Variants in AGAP1 observed in about 807,000 individuals in gnomAD.
AGAP1 encodes the protein ArfGAP with GTPase domain, ankyrin repeat and PH domain 1, also known as arf-GAP with GTPase, ANK repeat and PH domain-containing protein 1.
Under a neutral mutation model 105.3 loss-of-function variants are expected in AGAP1, and 29 were observed. That is an observed-to-expected ratio of 0.28 (90% confidence interval 0.21 to 0.38). The LOEUF is 0.38. Among genes scored for constraint, AGAP1 ranks in the 10% least tolerant of loss-of-function variants. The probability of loss-of-function intolerance (pLI) is 1.00; values close to 1 mark genes in which losing one functional copy is unlikely to be tolerated. For synonymous variants in AGAP1, 509 were observed against 485.9 expected (o/e 1.05, Z -0.63); for missense variants, 998 against 1,165.1 (o/e 0.86, Z 2.09).
intron 6 of AGAP1, among the ~76,000 whole-genome samples, chr2:235,756,161 G>A (rs1250333057): frequency 6.6e-6 from 1 of 152,178 alleles, no homozygotes; most frequent in African/African-American, 2.4e-5. Flanking sequence ...ATTTTAGCCT[G>A]TCTTCAAATG....
Position 235,967,159 on chromosome 2 carries a change from G to A in AGAP1, c.1484-1303G>A, listed in dbSNP as rs893628692. 9.2e-5 allele frequency among the ~76,000 whole-genome samples: 14 copies of A among 151,858 alleles called. No individual in the cohort carries two copies. Among genetic ancestry groups the A allele is most frequent in the Non-Finnish European group, 1.5e-4 (10 of 67,940 alleles). On this transcript the variant is annotated intron_variant, in intron 12 of 17. Coordinates refer to ENST00000304032, the MANE Select transcript of AGAP1 (RefSeq NM_001037131.3). This position sits in a 1 kb window ranked among gnomAD's most constrained non-coding sequence, Gnocchi z 4.7. ...CCACCCACACCGGCCACCGCCACTCGGGCCCCCTCTCCGTTTCTGGAACAC... is the reference window on the plus strand; with the variant it reads ...CCACCCACACCGGCCACCGCCACTCAGGCCCCCTCTCCGTTTCTGGAACAC...
intron 1 of AGAP1, among the ~76,000 whole-genome samples, chr2:235,636,580 G>T (rs1337634134): frequency 6.6e-6 from 1 of 152,044 alleles, no homozygotes; most frequent in Non-Finnish European, 1.5e-5. Context: ...CACTCCCCTA[G>T]GCATCCCTCA....
intron 1 of AGAP1, among the ~76,000 whole-genome samples, chr2:235,503,985 G>A (rs139511587): frequency 0.013 from 1,925 of 152,280 alleles, 30 homozygotes; most frequent in African/African-American, 0.044. Flanking sequence ...TTCCTGAAGC[G>A]ATCCTCCTGC....
chr2:236,093,673 G>T (rs1032568411), intron 16 of AGAP1, among the ~76,000 whole-genome samples: 5 of 152,098 alleles, frequency 3.3e-5, no homozygotes, highest in Non-Finnish European at 7.4e-5. Flanking sequence ...CGTATTTTTG[G>T]ATAATTTGGT....
At chr2:235,759,363 C>G (rs2317001) in intron 6 of AGAP1, among the ~76,000 whole-genome samples, 76,547 of 150,816 alleles carry the variant, frequency 0.51, 22,147 homozygotes, top group African/African-American at 0.81. Flanking sequence ...TAGAGACGGG[C>G]TTTCACCGTG....
chr2:235,973,278 A>C lies in AGAP1; in HGVS notation c.1645+4655A>C, dbSNP rs1335614906. On this transcript the variant is annotated intron_variant, in intron 13 of 17. Coordinates refer to ENST00000304032, the MANE Select transcript of AGAP1 (RefSeq NM_001037131.3). This position sits in a 1 kb window ranked among gnomAD's most constrained non-coding sequence, Gnocchi z 4.7. ...AGACCCCAGCCCAGGGAGAGCATTT[A>C]TTTTCTTAGGTTTACCATTTAAAAT... Among the ~76,000 whole-genome samples, 1 of 152,094 alleles carries C rather than the reference A, an allele frequency of 6.6e-6. No homozygotes were observed. Among genetic ancestry groups the C allele is most frequent in the African/African-American group, 2.4e-5 (1 of 41,418 alleles).
chr2:235,795,994 A>G (rs376819838), intron 6 of AGAP1, among the ~76,000 whole-genome samples: 5 of 152,222 alleles, frequency 3.3e-5, no homozygotes, highest in South Asian at 4.1e-4. Flanking sequence ...CTTAGTTTCT[A>G]CAAATGAAAA....
intron 16 of AGAP1, among the ~76,000 whole-genome samples, chr2:236,110,290 G>A (rs528928004): frequency 6.6e-6 from 1 of 152,160 alleles, no homozygotes; most frequent in South Asian, 2.1e-4. Flanking sequence ...GAGGCCAGGA[G>A]TTCAAGACCA....
intron 12 of AGAP1, among the ~76,000 whole-genome samples, chr2:235,956,234 A>G (rs936658558): frequency 6.6e-6 from 1 of 152,184 alleles, no homozygotes; most frequent in African/African-American, 2.4e-5. Flanking sequence ...ATTTCCACCT[A>G]ACAGCGCTGC....
rs996486389 is a variant in AGAP1, at chr2:236,114,932, T to G, written c.2115-5260T>G. On this transcript the variant is annotated intron_variant, in intron 16 of 17. Coordinates refer to ENST00000304032, the MANE Select transcript of AGAP1 (RefSeq NM_001037131.3). The surrounding 1 kb of genome is among the most constrained non-coding windows in gnomAD (Gnocchi z 5.0). ...ATGAGGTCATTTAAACCAGCCAGAC[T>G]CCTTCTTACCCCAGAGTCTCAGGAT... Among the ~76,000 whole-genome samples, 3 of 152,126 alleles carry G rather than the reference T, an allele frequency of 2.0e-5. No homozygotes were observed. The highest frequency in any genetic ancestry group is 7.2e-5 in the African/African-American group (3 of 41,422).
intron 3 of AGAP1, among the ~76,000 whole-genome samples, chr2:235,738,560 TTTC>T (rs1952385448): frequency 6.6e-6 from 1 of 150,440 alleles, no homozygotes; most frequent in African/African-American, 2.5e-5. Context: ...TCTTTCTTTC[TTTC>T]TTTTTTTTTT....
intron 10 of AGAP1, among the ~76,000 whole-genome samples, chr2:235,892,487 TCAGA>T (rs1450225684): frequency 2.0e-5 from 3 of 150,756 alleles, no homozygotes; most frequent in East Asian, 1.9e-4. Flanking sequence ...AGTTTCAAAA[TCAGA>T]CAGAAGACCC....
rs562707536 is a variant in AGAP1, at chr2:236,108,936, T to G, written c.2115-11256T>G. Among the ~76,000 whole-genome samples the G allele has an allele frequency of 2.8e-4, 43 of 152,276 alleles. No homozygotes were observed. In the South Asian group the frequency reaches 8.3e-3, roughly 29 times the overall value. ...AGCTTTGTGGTTATTTGCTTAAAACTTTCTTTTCTGGGAATCCAACCCATT... is the reference window on the plus strand; with the variant it reads ...AGCTTTGTGGTTATTTGCTTAAAACGTTCTTTTCTGGGAATCCAACCCATT... On this transcript the variant is annotated intron_variant, in intron 16 of 17. Transcript: ENST00000304032.
intron 10 of AGAP1, among the ~76,000 whole-genome samples, chr2:235,884,886 A>AT (rs2050198599): frequency 6.6e-6 from 1 of 151,980 alleles, no homozygotes; most frequent in Non-Finnish European, 1.5e-5. Flanking sequence ...CAGCAGCAGT[A>AT]TTTTTTGGTA....
At position 235,701,306 on chromosome 2, in the gene AGAP1, C is replaced by T. The variant is rs1337565008; in HGVS notation, c.164-7873C>T. ...AGAAGAGAGAGGACCCAGTCAAATG[C>T]TGACGTTGTTGTGACAGATTCTAAG... On this transcript the variant is annotated intron_variant, in intron 1 of 17. Coordinates refer to ENST00000304032, the MANE Select transcript of AGAP1 (RefSeq NM_001037131.3). This position sits in a 1 kb window ranked among gnomAD's most constrained non-coding sequence, Gnocchi z 4.1. 6.6e-6 allele frequency among the ~76,000 whole-genome samples: 1 copy of T among 152,050 alleles called. No individual in the cohort carries two copies. Among genetic ancestry groups the T allele is most frequent in the African/African-American group, 2.4e-5 (1 of 41,398 alleles).
At chr2:235,598,314 G>C (rs1945609352) in intron 1 of AGAP1, among the ~76,000 whole-genome samples, 1 of 152,070 alleles carries the variant, frequency 6.6e-6, no homozygotes, top group South Asian at 2.1e-4. Flanking sequence ...TGGAATAATT[G>C]GGTAAATAAT....
chr2:235,626,130 C>T (rs1232373381), intron 1 of AGAP1, among the ~76,000 whole-genome samples: 1 of 151,580 alleles, frequency 6.6e-6, no homozygotes, highest in Non-Finnish European at 1.5e-5. Context: ...AGGTGGATCA[C>T]TTGAGGTCAG....
rs2052507681 is a variant in AGAP1, at chr2:235,927,438, C to T, written c.1325-3327C>T. On this transcript the variant is annotated intron_variant, in intron 11 of 17. Coordinates refer to ENST00000304032, the MANE Select transcript of AGAP1 (RefSeq NM_001037131.3). The surrounding 1 kb of genome is among the most constrained non-coding windows in gnomAD (Gnocchi z 4.4). The stretch of plus-strand genomic sequence containing the variant: ...ACAGACAGAAGTTTGAAAACCAGTA[C>T]ATTCACAGCAGCATTCACAGCAGAG... Among the ~76,000 whole-genome samples the T allele has an allele frequency of 6.6e-6, 1 of 152,210 alleles. No homozygotes were observed. The highest frequency in any genetic ancestry group is 2.1e-4 in the South Asian group (1 of 4,830).
At chr2:235,999,834 GAGATGTGTCA>G (rs1265014389) in intron 13 of AGAP1, among the ~76,000 whole-genome samples, 1 of 152,096 alleles carries the variant, frequency 6.6e-6, no homozygotes, top group African/African-American at 2.4e-5. Context: ...GGTCAGGTCT[GAGATGTGTCA>G]AGCGGGGCAG....
Sources: gnomAD v4.1 joint callset for allele counts (sites outside exome capture counted in the v4.1 genomes callset) on GRCh38, gnomAD v4.1.1 for gene constraint, Gnocchi (gnomAD v3.1) non-coding constraint, MANE v1.5 for transcripts, NCBI Gene and HGNC (gene_info 2026-07-23, HGNC 2026-07-21) for gene names.